The following BMPR2 variants were observed in gnomAD, a reference collection of about 807,000 sequenced individuals.
The protein encoded by BMPR2 is bone morphogenetic protein receptor type 2, also known as bone morphogenetic protein receptor type-2.
Under a neutral mutation model 100.8 loss-of-function variants are expected in BMPR2, and 29 were observed. The ratio of observed to expected loss-of-function variants is 0.29; its 90% confidence interval spans 0.21 to 0.39. The LOEUF (loss-of-function observed/expected upper bound fraction) is 0.39, where lower values mean the gene tolerates loss of function less well. Ranked by LOEUF, BMPR2 falls within the 10% of genes least tolerant of loss-of-function variation. The pLI is 1.00. For synonymous variants in BMPR2, 382 were observed against 442.3 expected, an observed-to-expected ratio of 0.86 and a Z score of 1.71; for missense variants, 1,011 against 1,274.5, an observed-to-expected ratio of 0.79 and a Z score of 3.15.
At chr2:202,429,888 C>T (rs943106622) in intron 1 of BMPR2, among the ~76,000 whole-genome samples, 1 of 152,140 alleles carries the variant, frequency 6.6e-6, no homozygotes, top group African/African-American at 2.4e-5. Flanking sequence ...GATCCAGTCA[C>T]CTCCCTCCCT....
intron 7 of BMPR2, among the ~76,000 whole-genome samples, chr2:202,529,420 G>A (rs1205402130): frequency 5.9e-5 from 9 of 152,176 alleles, no homozygotes; most frequent in African/African-American, 2.2e-4. Flanking sequence ...CAAAAGGGCA[G>A]TCTATAGTTC....
chr2:202,518,877 C>T lies in BMPR2; in HGVS notation c.677C>T (p.Pro226Leu). 3 of 1,614,188 alleles carry T rather than the reference C, an allele frequency of 1.9e-6. No homozygotes were observed. The South Asian group carries it at 3.3e-5, about 18-fold the overall frequency. The change falls in exon 6 of 13, where the codon CCA becomes CTA. Residue 226 changes from proline (P) to leucine (L), a missense_variant. Physicochemically the swap from Pro to Leu is moderately conservative, Grantham distance 98 (BLOSUM62 -3). Coordinates refer to ENST00000374580, the MANE Select transcript of BMPR2 (RefSeq NM_001204.7). ...AVYKGSLDER[P>L]VAVKVFSFAN... ...TATAAAGGCTCCTTGGATGAGCGTC[C>T]AGTTGCTGTAAAAGTGTTTTCCTTT...
intron 7 of BMPR2, chr2:202,520,575 C>G (rs1028066324): frequency 3.4e-6 from 1 of 292,238 alleles, no homozygotes; most frequent in African/African-American, 2.2e-5. Flanking sequence ...AGCACCAACC[C>G]TTCCCAAGGA....
At chr2:202,528,665 A>ACC (rs1687963530) in intron 7 of BMPR2, among the ~76,000 whole-genome samples, 1 of 152,220 alleles carries the variant, frequency 6.6e-6, no homozygotes, top group South Asian at 2.1e-4. Flanking sequence ...ATCATCCAAT[A>ACC]CAAAGTCTAC....
chr2:202,428,205 T>C (rs1298163683), intron 1 of BMPR2, among the ~76,000 whole-genome samples: 1 of 152,140 alleles, frequency 6.6e-6, no homozygotes, highest in South Asian at 2.1e-4. Flanking sequence ...TTTTACCCTT[T>C]TCTTAGCACG....
Position 202,560,176 on chromosome 2 carries a change from G to A in BMPR2, c.*230G>A. 1 of 539,954 alleles carries A rather than the reference G, an allele frequency of 1.9e-6. No individual in the cohort carries two copies. The highest frequency in any genetic ancestry group is 3.3e-6 in the Non-Finnish European group (1 of 304,760). 33.4% of individuals were successfully genotyped at this position (539,954 alleles called of 1,614,324 possible). On this transcript the variant is annotated 3_prime_UTR_variant, in exon 13 of 13. Transcript: ENST00000374580. Reference sequence around the variant, plus strand: ...TGCACTTTTGTTTAGTCTCGCTAAAGTTATATTTGTCTGTTATGACCACAG... The same window carrying A: ...TGCACTTTTGTTTAGTCTCGCTAAAATTATATTTGTCTGTTATGACCACAG...
chr2:202,465,188 C>T (rs1311830914), intron 2 of BMPR2, among the ~76,000 whole-genome samples: 2 of 151,920 alleles, frequency 1.3e-5, no homozygotes, highest in East Asian at 3.9e-4. Context: ...GAGTTTGAGA[C>T]CAGCCTGGGT....
chr2:202,426,667 A>C (rs1226274883), intron 1 of BMPR2, among the ~76,000 whole-genome samples: 1 of 151,110 alleles, frequency 6.6e-6, no homozygotes, highest in Non-Finnish European at 1.5e-5. Context: ...GGATCACTCG[A>C]GGTCAGGAAT....
intron 1 of BMPR2, among the ~76,000 whole-genome samples, chr2:202,405,665 G>A (rs558767840): frequency 9.7e-5 from 12 of 124,100 alleles, no homozygotes; most frequent in Admixed American, 4.2e-4. Flanking sequence ...TCCAGCCTGA[G>A]CAACAGAGCG....
chr2:202,527,016 A>G (rs1367205247), intron 7 of BMPR2, among the ~76,000 whole-genome samples: 1 of 151,894 alleles, frequency 6.6e-6, no homozygotes, highest in Non-Finnish European at 1.5e-5. Flanking sequence ...GACGTCCACC[A>G]CCATGCTGGG....
chr2:202,463,561 A>G (rs1044555730), intron 1 of BMPR2, among the ~76,000 whole-genome samples: 5 of 152,248 alleles, frequency 3.3e-5, no homozygotes, highest in South Asian at 2.1e-4. Flanking sequence ...CCCAAGGAAT[A>G]TATTGGCCAA....
intron 1 of BMPR2, among the ~76,000 whole-genome samples, chr2:202,428,723 G>A (rs1450268535): frequency 2.6e-5 from 4 of 152,012 alleles, no homozygotes. Flanking sequence ...TTACACATGT[G>A]TACACACGCA....
At chr2:202,466,506 C>G (rs538187601) in intron 2 of BMPR2, among the ~76,000 whole-genome samples, 6 of 152,056 alleles carry the variant, frequency 3.9e-5, no homozygotes, top group African/African-American at 1.4e-4. Flanking sequence ...AGGGTGGTCT[C>G]GATCTCCTGA....
intron 1 of BMPR2, among the ~76,000 whole-genome samples, chr2:202,454,830 A>G (rs964778177): frequency 6.6e-6 from 1 of 152,242 alleles, no homozygotes; most frequent in African/African-American, 2.4e-5. Context: ...ACAAAATACA[A>G]TAGACTCGAT....
At chr2:202,422,820 G>A (rs1374521259) in intron 1 of BMPR2, among the ~76,000 whole-genome samples, 1 of 152,034 alleles carries the variant, frequency 6.6e-6, no homozygotes, top group African/African-American at 2.4e-5. Flanking sequence ...GGGATTACAG[G>A]TACATGTCAC....
intron 9 of BMPR2, among the ~76,000 whole-genome samples, chr2:202,533,736 T>C (rs560883194): frequency 2.8e-4 from 43 of 152,180 alleles, no homozygotes; most frequent in African/African-American, 1.0e-3. Context: ...GGCAGAGGAA[T>C]TGCTTGAACC....
chr2:202,538,071 G>A (rs1342963581), intron 9 of BMPR2, among the ~76,000 whole-genome samples: 2 of 152,104 alleles, frequency 1.3e-5, no homozygotes, highest in Non-Finnish European at 1.5e-5. Flanking sequence ...GCAGTGAGCC[G>A]AGATCGCGCC....
At chr2:202,415,499 G>GT (rs2105919951) in intron 1 of BMPR2, among the ~76,000 whole-genome samples, 1 of 152,134 alleles carries the variant, frequency 6.6e-6, no homozygotes, top group African/African-American at 2.4e-5. Context: ...ATAAATAAAC[G>GT]TAACTGGAGA....
At chr2:202,410,023 C>T (rs972970858) in intron 1 of BMPR2, among the ~76,000 whole-genome samples, 4 of 151,732 alleles carry the variant, frequency 2.6e-5, no homozygotes, top group Non-Finnish European at 4.4e-5. Context: ...CTCACCCTGT[C>T]GCCCAGGCTG....
Sources: allele counts gnomAD v4.1 joint callset (sites outside exome capture counted in the v4.1 genomes callset), GRCh38; gene constraint gnomAD v4.1.1; transcripts MANE v1.5; gene names NCBI Gene and HGNC (gene_info 2026-07-23, HGNC 2026-07-21).